MFAP5: variants seen among roughly 807,000 people sequenced by gnomAD.
The protein encoded by MFAP5 is microfibril associated protein 5.
In MFAP5, 19 loss-of-function variants were observed where a neutral mutation model predicts 30.1. The observed-to-expected ratio is 0.63, with a 90% CI of 0.44 to 0.93. The LOEUF is 0.93. MFAP5 is among the 40% of genes least tolerant of loss of function. The probability of loss-of-function intolerance (pLI) is 0.00; values close to 1 mark genes in which losing one functional copy is unlikely to be tolerated. For synonymous variants in MFAP5, 92 were observed against 72.9 expected, an observed-to-expected ratio of 1.26 and a Z score of -1.33; for missense variants, 210 against 221.3, an observed-to-expected ratio of 0.95 and a Z score of 0.32.
rs773321613 is a variant in MFAP5 at position 8,654,427 on chromosome 12, C to T, written c.217+10G>A. 39 of 1,596,444 alleles carry T rather than the reference C, an allele frequency of 2.4e-5. No homozygotes were observed. The African/African-American group carries it at 4.5e-4, about 19-fold the overall frequency. ...CCCTGATGACCTGGGGGTCCCAGAT[C>T]TGAACTCACCCAAGTCATCTGTGGA... On this transcript the variant is annotated intron_variant, in intron 6 of 9. Coordinates refer to ENST00000359478, the MANE Select transcript of MFAP5 (RefSeq NM_003480.4).
Position 8,648,057 on chromosome 12 carries a change from C to T in MFAP5, c.*34G>A, listed in dbSNP as rs1268699143. On this transcript the variant is annotated 3_prime_UTR_variant, in exon 10 of 10. Transcript: ENST00000359478. ...GAAGGAGATCCTCCTTCCTCTCACC[C>T]ATACATTTTTTCTTCTTTCCTCTTT... is the stretch of plus-strand genomic sequence containing the variant. 2.0e-6 allele frequency: 3 copies of T among 1,495,276 alleles called. No homozygotes were observed. The highest frequency in any genetic ancestry group is 1.1e-5 in the South Asian group (1 of 87,970). 92.6% of individuals were successfully genotyped at this position (1,495,276 alleles called of 1,614,324 possible). A position where few individuals can be genotyped will look rare whatever the true frequency, so the allele number is the denominator to read the frequency against.
chr12:8,647,978 A>T lies in MFAP5; in HGVS notation c.*113T>A. 1.4e-6 allele frequency: 1 copy of T among 713,526 alleles called. No homozygotes were observed. Among genetic ancestry groups the T allele is most frequent in the Non-Finnish European group, 2.3e-6 (1 of 439,588 alleles). 44.2% of individuals were successfully genotyped at this position (713,526 alleles called of 1,614,324 possible). A position where few individuals can be genotyped will look rare whatever the true frequency, so the allele number is the denominator to read the frequency against. On this transcript the variant is annotated 3_prime_UTR_variant, in exon 10 of 10. Transcript: ENST00000359478. ...GTAGGGGTAAAAGCTGGACATTGCA[A>T]AAGGATTGGTTTAAGAAATACTGTC... is the stretch of plus-strand genomic sequence containing the variant.
chr12:8,654,478 A>G lies in MFAP5; in HGVS notation c.176T>C (p.Leu59Ser). The change falls in exon 6 of 10, where the codon TTG becomes TCG. Residue 59 changes from leucine to serine, a missense_variant. Transcript: ENST00000359478. Reference protein sequence around the residue: ...VNDPATDETVLAVLADIAPST... With the variant: ...VNDPATDETVSAVLADIAPST... ...AGGTGCAATATCAGCCAAAACAGCC[A>G]AAACTGAAAAGGCACAAAACAGCAG... 1 of 1,603,884 alleles carries G rather than the reference A, an allele frequency of 6.2e-7. No individual in the cohort carries two copies. The highest frequency in any genetic ancestry group is 1.1e-5 in the South Asian group (1 of 88,666).
At chr12:8,648,509 G>T in intron 9 of MFAP5, 1 of 1,295,030 alleles carries the variant, frequency 7.7e-7, no homozygotes, top group Non-Finnish European at 1.0e-6. Context: ...AGCAGTAAAT[G>T]TTAGTTTCCT....
rs368365640 is a variant in MFAP5 at position 8,651,716 on chromosome 12, C to T, written c.218-25G>A. 4 of 1,609,204 alleles carry T rather than the reference C, an allele frequency of 2.5e-6. No individual in the cohort carries two copies. The African/African-American group carries it at 4.0e-5, about 16-fold the overall frequency. ...GCTGAAAGGCAGAAATTTTATTCCACTGTTACCAATTCTAGAAGTTACTAC... is the reference window on the plus strand; with the variant it reads ...GCTGAAAGGCAGAAATTTTATTCCATTGTTACCAATTCTAGAAGTTACTAC... On this transcript the variant is annotated intron_variant, in intron 6 of 9. Transcript: ENST00000359478.
At chr12:8,660,436 C>T (rs1942116657) in intron 3 of MFAP5, among the ~76,000 whole-genome samples, 2 of 152,084 alleles carry the variant, frequency 1.3e-5, no homozygotes, top group Admixed American at 6.6e-5. Flanking sequence ...ATCCTCCTGC[C>T]TCAGCCTCCC....
intron 5 of MFAP5, among the ~76,000 whole-genome samples, chr12:8,654,708 G>T (rs1941935296): frequency 6.6e-6 from 1 of 152,170 alleles, no homozygotes; most frequent in Non-Finnish European, 1.5e-5. Flanking sequence ...AATTTTGGGA[G>T]GCTGAGGCAG....
intron 9 of MFAP5, 123 bp from the exon 10 acceptor site, chr12:8,648,326 G>T: frequency 2.1e-6 from 2 of 948,722 alleles, no homozygotes; most frequent in African/African-American, 1.7e-5. Context: ...AAAGATCCGG[G>T]TTTTAACCAG....
chr12:8,655,328 G>T (rs1378462884), intron 5 of MFAP5, 87 bp downstream of exon 5: 3 of 1,206,710 alleles, frequency 2.5e-6, no homozygotes, highest in Non-Finnish European at 3.5e-6. Context: ...AAATATAAAA[G>T]CACAGAATGA....
At chr12:8,651,970 A>G (rs1941850125) in intron 6 of MFAP5, among the ~76,000 whole-genome samples, 1 of 152,194 alleles carries the variant, frequency 6.6e-6, no homozygotes, top group African/African-American at 2.4e-5. Flanking sequence ...TATTGTTGAC[A>G]AGAAGCAAAT....
intron 2 of MFAP5, 63 bp downstream of exon 2, chr12:8,661,984 C>T (rs1942163916): frequency 4.7e-6 from 7 of 1,486,382 alleles, no homozygotes; most frequent in African/African-American, 1.4e-5. Context: ...CATCCCATCT[C>T]CTGCCACACA....
rs141186777 is a variant in MFAP5 at position 8,655,431 on chromosome 12, G to A, written c.156C>T (p.Pro52=). 1.7e-5 allele frequency: 28 copies of A among 1,605,144 alleles called. No homozygotes were observed. The African/African-American group carries it at 1.7e-4, about 10-fold the overall frequency. Reference sequence around the variant, plus strand: ...AAAATTTACCTGTTTCATCTGTAGCGGGATCATTCACCAGATCTGCAAAGA... The same window carrying A: ...AAAATTTACCTGTTTCATCTGTAGCAGGATCATTCACCAGATCTGCAAAGA... ...FTEDPNLVND[P]ATDETVLAVL... Residue 52 remains proline (P), a synonymous_variant, in exon 5 of 10, where the codon CCC becomes CCT. Transcript: ENST00000359478.
At chr12:8,655,645 C>T in intron 4 of MFAP5, 141 bp downstream of exon 4, 2 of 1,052,672 alleles carry the variant, frequency 1.9e-6, no homozygotes, top group East Asian at 4.8e-5. Context: ...ATGCTGGCAT[C>T]TAAGGTGACA....
chr12:8,652,733 G>A (rs999236382), intron 6 of MFAP5, among the ~76,000 whole-genome samples: 2 of 152,130 alleles, frequency 1.3e-5, no homozygotes, highest in African/African-American at 4.8e-5. Flanking sequence ...CTAAACTCCA[G>A]ACCTATAAAT....
At chr12:8,659,862 A>G (rs1942099252) in intron 3 of MFAP5, among the ~76,000 whole-genome samples, 1 of 152,178 alleles carries the variant, frequency 6.6e-6, no homozygotes, top group Admixed American at 6.5e-5. Context: ...ATTCATTTTA[A>G]AAATTAATAC....
chr12:8,655,634 G>C (rs1157584039), intron 4 of MFAP5, 152 bp downstream of exon 4: 1 of 988,654 alleles, frequency 1.0e-6, no homozygotes. Flanking sequence ...TGCGTACAGA[G>C]ATGCTGGCAT....
intron 5 of MFAP5, 73 bp downstream of exon 5, chr12:8,655,342 C>A (rs755089417): frequency 1.5e-6 from 2 of 1,298,112 alleles, no homozygotes; most frequent in East Asian, 2.4e-5. Context: ...AGAATGAATT[C>A]AAGAGCTGGA....
intron 6 of MFAP5, among the ~76,000 whole-genome samples, chr12:8,652,472 A>C (rs1232920606): frequency 6.6e-5 from 10 of 151,962 alleles, no homozygotes; most frequent in Admixed American, 6.6e-4. Context: ...AAATAAATAA[A>C]TAAATAAAGA....
At chr12:8,651,412 T>G (rs1177892104) in intron 7 of MFAP5, among the ~76,000 whole-genome samples, 1 of 152,172 alleles carries the variant, frequency 6.6e-6, no homozygotes, top group Non-Finnish European at 1.5e-5. Flanking sequence ...CCACATAATG[T>G]GCAAGGGTAC....
Sources: allele counts gnomAD v4.1 joint callset (sites outside exome capture counted in the v4.1 genomes callset), GRCh38; gene constraint gnomAD v4.1.1; transcripts MANE v1.5; gene names NCBI Gene and HGNC (gene_info 2026-07-23, HGNC 2026-07-21).